The following CCDC192 variants were observed in gnomAD, a reference collection of about 807,000 sequenced individuals.
The protein encoded by CCDC192 is coiled-coil domain-containing protein 192.
chr5:127,778,902 A>T (rs376547876), intron 3 of CCDC192, among the ~76,000 whole-genome samples: 1 of 150,998 alleles, frequency 6.6e-6, no homozygotes, highest in East Asian at 1.9e-4. Context: ...GTTTGTTGGC[A>T]CTCATTTGTT....
chr5:127,763,262 C>T (rs1051718252), intron 3 of CCDC192, among the ~76,000 whole-genome samples: 6 of 152,210 alleles, frequency 3.9e-5, no homozygotes, highest in Admixed American at 2.6e-4. Context: ...CAAACCTGTT[C>T]CTTCTCCCAC....
chr5:127,870,021 A>G (rs1751780334), intron 5 of CCDC192, among the ~76,000 whole-genome samples: 2 of 152,168 alleles, frequency 1.3e-5, no homozygotes, highest in South Asian at 2.1e-4. Flanking sequence ...TTGTGTATCA[A>G]CTAGCTCCCC....
At chr5:127,862,285 C>T (rs1220862421) in intron 5 of CCDC192, among the ~76,000 whole-genome samples, 1 of 152,196 alleles carries the variant, frequency 6.6e-6, no homozygotes, top group East Asian at 1.9e-4. Flanking sequence ...ACCAAGTTCT[C>T]ATGGGAACCT....
At chr5:127,826,444 C>G (rs1749537478) in intron 5 of CCDC192, among the ~76,000 whole-genome samples, 1 of 151,788 alleles carries the variant, frequency 6.6e-6, no homozygotes, top group South Asian at 2.1e-4. Context: ...TATACACATC[C>G]AAAAGAAAAC....
At chr5:127,752,799 G>A (rs538012749) in intron 2 of CCDC192, among the ~76,000 whole-genome samples, 11 of 152,314 alleles carry the variant, frequency 7.2e-5, no homozygotes, top group South Asian at 2.1e-4. Context: ...AGCCAGGTGC[G>A]AGATATAATC....
intron 2 of CCDC192, among the ~76,000 whole-genome samples, chr5:127,741,865 C>T (rs1032206287): frequency 1.3e-5 from 2 of 152,184 alleles, no homozygotes; most frequent in Admixed American, 1.3e-4. Context: ...CTGCCTCTTA[C>T]CACCTTCTAA....
At chr5:127,744,894 A>G (rs933328999) in intron 2 of CCDC192, among the ~76,000 whole-genome samples, 1 of 152,178 alleles carries the variant, frequency 6.6e-6, no homozygotes, top group South Asian at 2.1e-4. Flanking sequence ...CAACCTCGTG[A>G]CCACATTCTT....
chr5:127,897,647 A>AT (rs1250407539), intron 6 of CCDC192, among the ~76,000 whole-genome samples: 1 of 152,132 alleles, frequency 6.6e-6, no homozygotes, highest in Non-Finnish European at 1.5e-5. Context: ...CATACATCGT[A>AT]TTTTGGGTTT....
intron 6 of CCDC192, among the ~76,000 whole-genome samples, chr5:127,912,400 A>C (rs2127178205): frequency 8.7e-6 from 1 of 115,188 alleles, no homozygotes; most frequent in African/African-American, 3.5e-5. Context: ...CTCTAGTGAG[A>C]ATAGATTCCT....
At chr5:127,855,376 T>TC (rs1561524952) in intron 5 of CCDC192, among the ~76,000 whole-genome samples, 1 of 152,226 alleles carries the variant, frequency 6.6e-6, no homozygotes, top group Non-Finnish European at 1.5e-5. Flanking sequence ...AGGAATTCAG[T>TC]CACATCTTCA....
At chr5:127,790,124 A>G (rs1756781873) in intron 3 of CCDC192, among the ~76,000 whole-genome samples, 1 of 152,190 alleles carries the variant, frequency 6.6e-6, no homozygotes, top group African/African-American at 2.4e-5. Context: ...GTGGTCCTGG[A>G]GGGCAGAGTA....
chr5:127,714,380 A>C (rs942154090), intron 2 of CCDC192, among the ~76,000 whole-genome samples: 61 of 152,150 alleles, frequency 4.0e-4, no homozygotes, highest in Non-Finnish European at 4.7e-4. Flanking sequence ...GTTGGATCAT[A>C]GGGTAGTTTA....
intron 6 of CCDC192, among the ~76,000 whole-genome samples, chr5:127,891,157 T>A (rs1005822771): frequency 6.6e-6 from 1 of 152,170 alleles, no homozygotes; most frequent in African/African-American, 2.4e-5. Context: ...GTTCAAGCAG[T>A]TCTCCTTGTC....
chr5:127,745,045 G>A lies in CCDC192; in HGVS notation c.115-9223G>A, dbSNP rs114352473. 2.3e-3 allele frequency among the ~76,000 whole-genome samples: 351 copies of A among 152,266 alleles called. No individual in the cohort carries two copies. In the Middle Eastern group the frequency reaches 0.031, roughly 13 times the overall value. On this transcript the variant is annotated intron_variant, in intron 2 of 6. Transcript: ENST00000514853. ...TTATAGCCTCTCAGCATGAAGGACT[G>A]CCTGCTCTGGTACAGCCACCTTCCT...
intron 3 of CCDC192, among the ~76,000 whole-genome samples, chr5:127,787,396 G>T (rs945227778): frequency 6.6e-6 from 1 of 152,128 alleles, no homozygotes; most frequent in Non-Finnish European, 1.5e-5. Context: ...TCCTGCTGCC[G>T]CCACCTCGTC....
chr5:127,823,579 C>T (rs1371700734), intron 5 of CCDC192, among the ~76,000 whole-genome samples: 1 of 152,186 alleles, frequency 6.6e-6, no homozygotes, highest in Non-Finnish European at 1.5e-5. Context: ...TTCCCCTGTG[C>T]CAGCCAATAA....
chr5:127,898,406 G>A (rs1336057106), intron 6 of CCDC192, among the ~76,000 whole-genome samples: 1 of 152,146 alleles, frequency 6.6e-6, no homozygotes, highest in Non-Finnish European at 1.5e-5. Flanking sequence ...ACTGTGCCCG[G>A]CCCAAATGTC....
intron 5 of CCDC192, among the ~76,000 whole-genome samples, chr5:127,833,435 A>G (rs1749891570): frequency 6.6e-6 from 1 of 152,172 alleles, no homozygotes; most frequent in Admixed American, 6.5e-5. Flanking sequence ...GTCTCTGTTT[A>G]TATTACATTA....
chr5:127,814,601 G>T (rs535505215), intron 5 of CCDC192, among the ~76,000 whole-genome samples: 1 of 152,342 alleles, frequency 6.6e-6, no homozygotes, highest in African/African-American at 2.4e-5. Context: ...ATAGCTAAAA[G>T]CTTAGTTGGG....
Sources: gnomAD v4.1 joint callset for allele counts (sites outside exome capture counted in the v4.1 genomes callset) on GRCh38, gnomAD v4.1.1 for gene constraint, MANE v1.5 for transcripts, NCBI Gene and HGNC (gene_info 2026-07-23, HGNC 2026-07-21) for gene names.